The following PTPRN2 variants were observed in gnomAD, a reference collection of about 807,000 sequenced individuals.
The protein encoded by PTPRN2 is receptor-type tyrosine-protein phosphatase N2.
A neutral mutation model predicts 118.8 loss-of-function variants in PTPRN2; 74 were observed. The observed-to-expected ratio is 0.62, with a 90% CI of 0.52 to 0.76. PTPRN2 has a LOEUF of 0.76. Among genes scored for constraint, PTPRN2 ranks in the 30% least tolerant of loss-of-function variants. The pLI is 0.00. For synonymous variants in PTPRN2, 641 were observed against 608.0 expected, an observed-to-expected ratio of 1.05 and a Z score of -0.80; for missense variants, 1,481 against 1,394.4, an observed-to-expected ratio of 1.06 and a Z score of -0.99.
rs140487131 is a variant in PTPRN2 at position 158,121,163 on chromosome 7, C to T, written c.1557-10248G>A. On this transcript the variant is annotated intron_variant, in intron 9 of 22. Transcript: ENST00000389418. The stretch of plus-strand genomic sequence containing the variant: ...AAAGGGCCAGCCTACCTGCTCCCAT[C>T]GCTGACCTGCCTTGCCTCAGCCCCC... 1.1e-3 allele frequency among the ~76,000 whole-genome samples: 163 copies of T among 152,280 alleles called. 1 individual carries two copies. Among genetic ancestry groups the T allele is most frequent in the Non-Finnish European group, 2.0e-3 (136 of 68,008 alleles).
In PTPRN2 at chr7:157,933,965, A is replaced by G. The variant is rs145395863; in HGVS notation, c.1724-35228T>C. Among the ~76,000 whole-genome samples the G allele has an allele frequency of 1.7e-4, 26 of 152,140 alleles. 1 individual carries two copies. In the East Asian group the frequency reaches 5.0e-3, roughly 29 times the overall value. On this transcript the variant is annotated intron_variant, in intron 11 of 22. Coordinates refer to ENST00000389418, the MANE Select transcript of PTPRN2 (RefSeq NM_002847.5). ...GACATTTTTAGAGCAGGGGTGAGTC[A>G]CTGATTTGCATTTTTAAAGTAGGGG...
chr7:158,316,565 G>T (rs1802339351), intron 3 of PTPRN2, among the ~76,000 whole-genome samples: 1 of 152,128 alleles, frequency 6.6e-6, no homozygotes, highest in African/African-American at 2.4e-5. Flanking sequence ...AGGCCCAGCT[G>T]CGGGCCACTG....
At chr7:157,825,911 G>C (rs1215702111) in intron 12 of PTPRN2, among the ~76,000 whole-genome samples, 1 of 152,232 alleles carries the variant, frequency 6.6e-6, no homozygotes, top group African/African-American at 2.4e-5. Flanking sequence ...CTGTGGCTTA[G>C]GGGTGCTTGA....
chr7:158,213,380 G>A (rs1827746920), intron 3 of PTPRN2, among the ~76,000 whole-genome samples: 1 of 151,996 alleles, frequency 6.6e-6, no homozygotes, highest in Admixed American at 6.6e-5. Context: ...TTTTTTAAAT[G>A]TTATAGACGG....
intron 11 of PTPRN2, among the ~76,000 whole-genome samples, chr7:158,017,357 C>T (rs1441124505): frequency 6.6e-6 from 1 of 152,072 alleles, no homozygotes; most frequent in African/African-American, 2.4e-5. Flanking sequence ...AGTGCCCAGC[C>T]CCTCCCTGGG....
chr7:158,524,653 G>A (rs1373756013), intron 1 of PTPRN2, among the ~76,000 whole-genome samples: 1 of 152,156 alleles, frequency 6.6e-6, no homozygotes, highest in Non-Finnish European at 1.5e-5. Flanking sequence ...CCAGCCCAGT[G>A]CCTCAGAAGG....
At chr7:158,376,163 C>T (rs544204134) in intron 2 of PTPRN2, among the ~76,000 whole-genome samples, 25 of 152,318 alleles carry the variant, frequency 1.6e-4, no homozygotes, top group Admixed American at 1.3e-3. Flanking sequence ...GGCTCCTGCA[C>T]CTGCCTATCT....
intron 1 of PTPRN2, among the ~76,000 whole-genome samples, chr7:158,528,129 C>G (rs1156515854): frequency 6.6e-6 from 1 of 152,228 alleles, no homozygotes; most frequent in East Asian, 1.9e-4. Flanking sequence ...AGTGAAGCTG[C>G]TAGCAACTGG....
chr7:158,222,903 T>C (rs1828477543), intron 3 of PTPRN2, among the ~76,000 whole-genome samples: 2 of 151,978 alleles, frequency 1.3e-5, no homozygotes, highest in Non-Finnish European at 2.9e-5. Flanking sequence ...GCTGGTTCCT[T>C]GAAAAAAATC....
At chr7:158,314,356 C>T (rs1802113450) in intron 3 of PTPRN2, among the ~76,000 whole-genome samples, 1 of 152,254 alleles carries the variant, frequency 6.6e-6, no homozygotes. Context: ...GTAAGGCTCA[C>T]AAGACAAGCA....
At chr7:158,297,177 A>C (rs1241982616) in intron 3 of PTPRN2, among the ~76,000 whole-genome samples, 1 of 152,238 alleles carries the variant, frequency 6.6e-6, no homozygotes, top group African/African-American at 2.4e-5. Flanking sequence ...GCTGGGCATA[A>C]GCTTTTAAAA....
intron 11 of PTPRN2, among the ~76,000 whole-genome samples, chr7:158,071,343 G>T (rs1179619961): frequency 6.6e-4 from 78 of 118,258 alleles, no homozygotes; most frequent in African/African-American, 2.5e-3. Context: ...GGTGGTGGAG[G>T]TGCTCGTGGT....
At chr7:157,700,173 A>G (rs988477694) in intron 12 of PTPRN2, among the ~76,000 whole-genome samples, 1 of 152,162 alleles carries the variant, frequency 6.6e-6, no homozygotes, top group East Asian at 1.9e-4. Flanking sequence ...TCCACACCTT[A>G]ACCTCATCAC....
At chr7:157,898,813 C>T (rs1425458616) in intron 11 of PTPRN2, 76 bp from the exon 12 acceptor site, 9 of 1,333,128 alleles carry the variant, frequency 6.8e-6, no homozygotes, top group Non-Finnish European at 8.6e-6. Flanking sequence ...GAGTATTTTC[C>T]TCCATTGAAA....
At chr7:158,128,037 C>G (rs1817837969) in intron 9 of PTPRN2, among the ~76,000 whole-genome samples, 1 of 152,170 alleles carries the variant, frequency 6.6e-6, no homozygotes. Context: ...AACCTCAGCA[C>G]CAAGAGCATG....
chr7:158,356,944 C>T (rs10254927), intron 2 of PTPRN2, among the ~76,000 whole-genome samples: 4,002 of 152,284 alleles, frequency 0.026, 180 homozygotes, highest in African/African-American at 0.091. Context: ...TCCTGGGCCC[C>T]AGCACAGGGT....
At chr7:157,679,721 G>T (rs565116623) in intron 13 of PTPRN2, among the ~76,000 whole-genome samples, 1 of 152,222 alleles carries the variant, frequency 6.6e-6, no homozygotes, top group African/African-American at 2.4e-5. Flanking sequence ...GGGGCTGGGG[G>T]GTTCTGTACA....
At chr7:157,543,785 A>G (rs1798125468) in intron 22 of PTPRN2, among the ~76,000 whole-genome samples, 1 of 152,186 alleles carries the variant, frequency 6.6e-6, no homozygotes, top group Admixed American at 6.5e-5. Flanking sequence ...AGCACCTCTC[A>G]AAAGGGGGTG....
chr7:157,712,391 A>C lies in PTPRN2; in HGVS notation c.1789-29454T>G, dbSNP rs559177601. Among the ~76,000 whole-genome samples, 46 of 152,278 alleles carry C rather than the reference A, an allele frequency of 3.0e-4. 1 individual carries two copies. The East Asian group carries it at 7.9e-3, about 26-fold the overall frequency. ...TTGGAAAAAGGACCTTCACAGATGT[A>C]ATCAAGTGACCACGAAGTCTCTGGG... On this transcript the variant is annotated intron_variant, in intron 12 of 22. Transcript: ENST00000389418.
Sources: gnomAD v4.1 joint callset for allele counts (sites outside exome capture counted in the v4.1 genomes callset) on GRCh38, gnomAD v4.1.1 for gene constraint, MANE v1.5 for transcripts, NCBI Gene and HGNC (gene_info 2026-07-23, HGNC 2026-07-21) for gene names.